Variants in KIAA1217 observed in about 807,000 individuals in gnomAD.
The protein encoded by KIAA1217 is KIAA1217.
In KIAA1217, 88 loss-of-function variants were observed where a neutral mutation model predicts 163.9. The observed-to-expected ratio is 0.54, with a 90% confidence interval of 0.45 to 0.64. KIAA1217 has a LOEUF of 0.64. KIAA1217 is among the 30% of genes least tolerant of loss of function. The pLI is 0.00. For missense variants in KIAA1217, 2,372 were observed against 2,475.0 expected (o/e 0.96, Z 0.88); for synonymous variants, 903 against 923.1 (o/e 0.98, Z 0.39).
chr10:23,838,238 G>A (rs1016560550), intron 1 of KIAA1217, among the ~76,000 whole-genome samples: 3 of 152,124 alleles, frequency 2.0e-5, no homozygotes, highest in African/African-American at 7.2e-5. Context: ...GTAGTTACAG[G>A]ATTAAAAGGC....
At chr10:24,414,581 C>A (rs555636622) in intron 3 of KIAA1217, among the ~76,000 whole-genome samples, 3 of 152,142 alleles carry the variant, frequency 2.0e-5, no homozygotes, top group Non-Finnish European at 2.9e-5. Context: ...GGGACTTCTA[C>A]CTCTGTATGT....
At chr10:24,384,437 G>A (rs979336462) in intron 3 of KIAA1217, among the ~76,000 whole-genome samples, 13 of 152,050 alleles carry the variant, frequency 8.5e-5, no homozygotes, top group Admixed American at 5.2e-4. Flanking sequence ...CGTTTGTTAC[G>A]ATCAATGAAA....
chr10:23,913,689 G>A (rs565071748), intron 1 of KIAA1217, among the ~76,000 whole-genome samples: 12 of 152,102 alleles, frequency 7.9e-5, no homozygotes, highest in Non-Finnish European at 1.3e-4. Context: ...TGTCCCTCTC[G>A]ATTGGCATGT....
At chr10:23,743,909 AT>A (rs35457867) in intron 1 of KIAA1217, among the ~76,000 whole-genome samples, 109 of 137,552 alleles carry the variant, frequency 7.9e-4, no homozygotes, top group African/African-American at 2.7e-3. Context: ...AAAAAAAAAA[AT>A]AAATGTCTCT....
At chr10:24,205,047 A>C (rs1227717226), upstream of KIAA1217, among the ~76,000 whole-genome samples, 1 of 152,208 alleles carries the variant, frequency 6.6e-6, no homozygotes. Flanking sequence ...TCCTGATGTC[A>C]AGTCATTTTC....
rs190659318 is a variant in KIAA1217, at chr10:24,317,107, A to G, written c.355-63762A>G. Among the ~76,000 whole-genome samples, 23 of 152,232 alleles carry G rather than the reference A, an allele frequency of 1.5e-4. No homozygotes were observed. The East Asian group carries it at 3.1e-3, about 20-fold the overall frequency. The stretch of plus-strand genomic sequence containing the variant: ...AAATTCTTATACCAAAAATACTGCA[A>G]TGTATGTCAGCCTATAGATTTTCAT... On this transcript the variant is annotated intron_variant, in intron 2 of 20. Coordinates refer to ENST00000376454, the MANE Select transcript of KIAA1217 (RefSeq NM_019590.5).
rs546171427 is a variant in KIAA1217 at position 24,446,401 on chromosome 10, AAAAAG to A, written c.846+7942_846+7946del. Reference sequence around the variant, plus strand: ...AGCACACTAAAAATATATCCATTAAAAAAAGAAAAGAAAAGAAAAGAAAAAGAGTG... The same window carrying A: ...AGCACACTAAAAATATATCCATTAAAAAAAGAAAAGAAAAGAAAAAGAGTG... On this transcript the variant is annotated intron_variant, in intron 5 of 20. Coordinates refer to ENST00000376454, the MANE Select transcript of KIAA1217 (RefSeq NM_019590.5). Among the ~76,000 whole-genome samples the A allele has an allele frequency of 2.7e-3, 414 of 152,262 alleles. 3 individuals are homozygous for A. Among genetic ancestry groups the A allele is most frequent in the African/African-American group, 8.5e-3 (355 of 41,546 alleles).
chr10:24,266,871 G>A (rs189399633), intron 2 of KIAA1217, among the ~76,000 whole-genome samples: 6 of 152,212 alleles, frequency 3.9e-5, no homozygotes, highest in East Asian at 1.9e-4. Flanking sequence ...TTTGCTTTTC[G>A]CAATAAATCC....
intron 5 of KIAA1217, among the ~76,000 whole-genome samples, chr10:24,451,164 CTCT>C (rs1363727609): frequency 6.6e-6 from 1 of 152,180 alleles, no homozygotes; most frequent in Non-Finnish European, 1.5e-5. Flanking sequence ...CTTTCCTGCT[CTCT>C]TCTTTGCTTC....
chr10:24,167,369 C>T (rs925471970), intron 2 of KIAA1217, among the ~76,000 whole-genome samples: 2 of 151,932 alleles, frequency 1.3e-5, no homozygotes, highest in African/African-American at 4.8e-5. Context: ...TATTTGTCCT[C>T]TCACAATATT....
rs184227110 is a variant in KIAA1217 at position 24,037,385 on chromosome 10, G to A, written c.-171+30011G>A. Among the ~76,000 whole-genome samples, 176 of 152,326 alleles carry A rather than the reference G, an allele frequency of 1.2e-3. No individual in the cohort carries two copies. The Middle Eastern group carries it at 0.034, about 29-fold the overall frequency. On this transcript the variant is annotated intron_variant, in intron 2 of 18. Coordinates refer to the KIAA1217 transcript ENST00000376462. ...GGTGCCTGTAATCCCAGCTACTCAGGAGGATGAGGCATGAGAATCACTTGA... is the reference window on the plus strand; with the variant it reads ...GGTGCCTGTAATCCCAGCTACTCAGAAGGATGAGGCATGAGAATCACTTGA...
chr10:23,921,669 G>A (rs770534692), intron 1 of KIAA1217, among the ~76,000 whole-genome samples: 17 of 152,020 alleles, frequency 1.1e-4, no homozygotes, highest in East Asian at 1.9e-4. Context: ...GAGTTTCTTC[G>A]GGGAGGGTGT....
intron 2 of KIAA1217, among the ~76,000 whole-genome samples, chr10:24,188,062 G>T (rs1335350076): frequency 1.3e-5 from 2 of 148,528 alleles, no homozygotes; most frequent in South Asian, 2.2e-4. Context: ...GCCAGGCATG[G>T]TGGCAGCGCC....
At chr10:24,202,070 C>G (rs1396335925) in intron 2 of KIAA1217, among the ~76,000 whole-genome samples, 1 of 152,200 alleles carries the variant, frequency 6.6e-6, no homozygotes, top group Non-Finnish European at 1.5e-5. Context: ...GCAGGACTGT[C>G]AGCCTCCCGG....
intron 1 of KIAA1217, among the ~76,000 whole-genome samples, chr10:23,702,584 C>A (rs1261600773): frequency 6.6e-6 from 1 of 151,600 alleles, no homozygotes; most frequent in East Asian, 1.9e-4. Flanking sequence ...CATCATGTTA[C>A]ACCATGAAGA....
rs538728987 is a variant in KIAA1217 at position 23,721,934 on chromosome 10, A to G, written c.-321+26700A>G. Among the ~76,000 whole-genome samples the G allele has an allele frequency of 6.0e-4, 91 of 152,256 alleles. No individual in the cohort carries two copies. In the Middle Eastern group the frequency reaches 0.01, roughly 17 times the overall value. ...GCTTTTACAAATATTTCCTTGTTGC[A>G]ATCCAAGTGTCCCATTGATGGATGC... On this transcript the variant is annotated intron_variant, in intron 1 of 18. Coordinates refer to the KIAA1217 transcript ENST00000376462.
chr10:24,339,877 G>C (rs960001836), intron 2 of KIAA1217, among the ~76,000 whole-genome samples: 1 of 152,224 alleles, frequency 6.6e-6, no homozygotes, highest in African/African-American at 2.4e-5. Context: ...TCCCAAAACA[G>C]ATTCTCCCCT....
chr10:24,118,925 AG>A, intron 2 of KIAA1217, among the ~76,000 whole-genome samples: 1 of 152,278 alleles, frequency 6.6e-6, no homozygotes. Context: ...ACTCAAAGTA[AG>A]TACTTTGTCT....
At chr10:24,044,572 C>G (rs1200986652) in intron 2 of KIAA1217, among the ~76,000 whole-genome samples, 1 of 151,942 alleles carries the variant, frequency 6.6e-6, no homozygotes, top group Non-Finnish European at 1.5e-5. Context: ...CTTCCTTTCA[C>G]CTCTTTTCCA....
Sources: allele counts gnomAD v4.1 joint callset (sites outside exome capture counted in the v4.1 genomes callset), GRCh38; gene constraint gnomAD v4.1.1; transcripts MANE v1.5; gene names NCBI Gene and HGNC (gene_info 2026-07-23, HGNC 2026-07-21).